The following KCTD16 variants were observed in gnomAD, a reference collection of about 807,000 sequenced individuals.
The protein encoded by KCTD16 is potassium channel tetramerization domain containing 16.
In KCTD16, 13 loss-of-function variants were observed where a neutral mutation model predicts 33.2. The observed-to-expected ratio is 0.39, with a 90% confidence interval of 0.25 to 0.62. The LOEUF is 0.62. KCTD16 is among the 20% of genes least tolerant of loss of function. The pLI is 0.50. For synonymous variants in KCTD16, 197 were observed against 195.3 expected (o/e 1.01, Z -0.07); for missense variants, 441 against 525.1 (o/e 0.84, Z 1.57).
intron 3 of KCTD16, among the ~76,000 whole-genome samples, chr5:144,210,866 A>G (rs1753368733): frequency 2.0e-5 from 3 of 152,188 alleles, no homozygotes; most frequent in Admixed American, 6.5e-5. Context: ...TAAGATTTAA[A>G]GGCATTTGCC....
In KCTD16 at chr5:144,474,963, T is replaced by C. The variant is rs1044851601; in HGVS notation, c.*849T>C. 2.6e-5 allele frequency: 4 copies of C among 152,198 alleles called. No homozygotes were observed. The highest frequency in any genetic ancestry group is 7.2e-5 in the African/African-American group (3 of 41,454). The allele number at this position is 152,198 out of a possible 1,614,324, so 9.4% of individuals were successfully genotyped here. A position where few individuals can be genotyped will look rare whatever the true frequency, so the allele number is the denominator to read the frequency against. On this transcript the variant is annotated 3_prime_UTR_variant, in exon 4 of 4. Transcript: ENST00000512467. Reference sequence around the variant, plus strand: ...TGAGGAGAGCTGGTCAAACATTCCTTGTGTTAAAAAAATCAAACATTCATA... The same window carrying C: ...TGAGGAGAGCTGGTCAAACATTCCTCGTGTTAAAAAAATCAAACATTCATA...
At chr5:144,355,708 T>A (rs1751554615) in intron 3 of KCTD16, among the ~76,000 whole-genome samples, 1 of 152,186 alleles carries the variant, frequency 6.6e-6, no homozygotes, top group Admixed American at 6.6e-5. Context: ...TGGTCCTTCA[T>A]CGCCAATCTC....
chr5:144,214,553 A>G (rs1429405329), intron 3 of KCTD16, among the ~76,000 whole-genome samples: 1 of 152,110 alleles, frequency 6.6e-6, no homozygotes, highest in Admixed American at 6.5e-5. Flanking sequence ...CTTTGCATTT[A>G]TAACCTTAGC....
intron 2 of KCTD16, among the ~76,000 whole-genome samples, chr5:144,185,756 TA>T (rs967835672): frequency 1.4e-4 from 21 of 151,060 alleles, no homozygotes; most frequent in Admixed American, 4.0e-4. Flanking sequence ...TTACTAAGAT[TA>T]AAAAAAAACC....
intron 3 of KCTD16, among the ~76,000 whole-genome samples, chr5:144,374,371 G>A (rs1025931586): frequency 3.4e-5 from 5 of 149,174 alleles, no homozygotes; most frequent in African/African-American, 1.3e-4. Context: ...TGATAACCTC[G>A]GTCTCTGAAG....
chr5:144,317,471 C>A (rs1245287103), intron 3 of KCTD16, among the ~76,000 whole-genome samples: 1 of 152,180 alleles, frequency 6.6e-6, no homozygotes, highest in Non-Finnish European at 1.5e-5. Flanking sequence ...AATCAGCATA[C>A]TAGTGTAGGC....
rs1380983488 is a variant in KCTD16, at chr5:144,474,813, C to CTT, written c.*701_*702dup. On this transcript the variant is annotated 3_prime_UTR_variant, in exon 4 of 4. Transcript: ENST00000512467. The stretch of plus-strand genomic sequence containing the variant: ...AATTCTTTTGGGAAGATTTCCCAGC[C>CTT]TTTCTTCACAACACTTTCTAACATC... 6.6e-6 allele frequency: 1 copy of CTT among 152,204 alleles called. No homozygotes were observed. Among genetic ancestry groups the CTT allele is most frequent in the Non-Finnish European group, 1.5e-5 (1 of 68,048 alleles). The allele number at this position is 152,204 out of a possible 1,614,324, so 9.4% of individuals were successfully genotyped here.
intron 2 of KCTD16, chr5:144,205,232 C>T (rs1368978531): frequency 3.7e-6 from 1 of 272,628 alleles, no homozygotes; most frequent in African/African-American, 2.2e-5. Context: ...ATCGCGTGCC[C>T]ACCGCCGGAG....
At chr5:144,438,322 A>T in intron 3 of KCTD16, among the ~76,000 whole-genome samples, 1 of 152,226 alleles carries the variant, frequency 6.6e-6, no homozygotes, top group East Asian at 1.9e-4. Flanking sequence ...TTGGAATATA[A>T]TGACTCACAC....
chr5:144,207,533 A>G lies in KCTD16; in HGVS notation c.819A>G (p.Glu273=), dbSNP rs774598298. ...TDDKIWSSYT[E]YVFYREPSRW... ...ACAAGATCTGGTCAAGCTACACTGAATATGTCTTCTACCGTAAGTACAAAG... is the reference window on the plus strand; with the variant it reads ...ACAAGATCTGGTCAAGCTACACTGAGTATGTCTTCTACCGTAAGTACAAAG... The change falls in exon 3 of 4, where the codon GAA becomes GAG. Residue 273 remains glutamate, a synonymous_variant. Transcript: ENST00000512467. 2.9e-5 allele frequency: 46 copies of G among 1,611,350 alleles called. 2 individuals carry two copies. The South Asian group carries it at 4.8e-4, about 17-fold the overall frequency.
chr5:144,383,623 TA>T (rs1293733748), intron 3 of KCTD16, among the ~76,000 whole-genome samples: 2 of 151,894 alleles, frequency 1.3e-5, no homozygotes, highest in African/African-American at 4.8e-5. Context: ...AAAACTGCAA[TA>T]TTTTTTCAGG....
At chr5:144,242,809 A>G (rs1754441032) in intron 3 of KCTD16, among the ~76,000 whole-genome samples, 1 of 152,182 alleles carries the variant, frequency 6.6e-6, no homozygotes, top group African/African-American at 2.4e-5. Context: ...AAATAGAACC[A>G]GAACTCACTT....
rs144894421 is a variant in KCTD16 at position 144,243,076 on chromosome 5, G to A, written c.832+35530G>A. Reference sequence around the variant, plus strand: ...TATTTTATTTCCTTAGGCTCCTTTGGCTGATGTTTTCTCATAATTAGACTA... The same window carrying A: ...TATTTTATTTCCTTAGGCTCCTTTGACTGATGTTTTCTCATAATTAGACTA... On this transcript the variant is annotated intron_variant, in intron 3 of 3. Transcript: ENST00000512467. Among the ~76,000 whole-genome samples the A allele has an allele frequency of 1.9e-3, 295 of 152,144 alleles. 1 individual carries two copies. Among genetic ancestry groups the A allele is most frequent in the African/African-American group, 6.8e-3 (282 of 41,516 alleles).
At chr5:144,359,633 A>G (rs942267559) in intron 3 of KCTD16, among the ~76,000 whole-genome samples, 2 of 150,854 alleles carry the variant, frequency 1.3e-5, no homozygotes, top group African/African-American at 4.9e-5. Flanking sequence ...ATCTGGAGAC[A>G]TTTTTGGTTG....
At chr5:144,466,984 AACACTATAT>A (rs1754347782) in intron 3 of KCTD16, among the ~76,000 whole-genome samples, 2 of 128,584 alleles carry the variant, frequency 1.6e-5, no homozygotes, top group South Asian at 4.6e-4. Flanking sequence ...TAATATATAT[AACACTATAT>A]ATATTATATA....
At chr5:144,194,887 A>G (rs770202123) in intron 2 of KCTD16, among the ~76,000 whole-genome samples, 2 of 152,220 alleles carry the variant, frequency 1.3e-5, no homozygotes, top group Non-Finnish European at 2.9e-5. Context: ...TTTTTTGTGA[A>G]TACTATGAAT....
In KCTD16 at chr5:144,472,199, A is replaced by C. The variant is rs554525489; in HGVS notation, c.833-1461A>C. ...GTACTACGTTATCCTTGTCCTCAAT[A>C]TCATAAGGGAATTTGTTCTCTTTAC... On this transcript the variant is annotated intron_variant, in intron 3 of 3. Transcript: ENST00000512467. Among the ~76,000 whole-genome samples, 7 of 152,344 alleles carry C rather than the reference A, an allele frequency of 4.6e-5. No homozygotes were observed. The South Asian group carries it at 1.5e-3, about 32-fold the overall frequency.
rs543252384 is a variant in KCTD16, at chr5:144,448,593, G to A, written c.833-25067G>A. Among the ~76,000 whole-genome samples, 79 of 152,196 alleles carry A rather than the reference G, an allele frequency of 5.2e-4. 2 individuals carry two copies. The South Asian group carries it at 0.013, about 26-fold the overall frequency. The stretch of plus-strand genomic sequence containing the variant: ...ATGCTTGGCTTGGTTCTGGTATTGC[G>A]AGGAGTGGATTCTTATCAGCAGTTG... On this transcript the variant is annotated intron_variant, in intron 3 of 3. Transcript: ENST00000512467.
chr5:144,384,201 CT>C (rs2126933573), intron 3 of KCTD16: 1 of 152,268 alleles, frequency 6.6e-6, no homozygotes, highest in East Asian at 1.9e-4. Flanking sequence ...TGGAGCATTT[CT>C]ACGTGTATCC....
Sources: allele counts gnomAD v4.1 joint callset (sites outside exome capture counted in the v4.1 genomes callset), GRCh38; gene constraint gnomAD v4.1.1; transcripts MANE v1.5; gene names NCBI Gene and HGNC (gene_info 2026-07-23, HGNC 2026-07-21).